Variants in CLASP1 observed in about 807,000 individuals in gnomAD.
CLASP1 encodes cytoplasmic linker associated protein 1, also known as CLIP-associating protein 1.
CLASP1 carries 38 observed loss-of-function variants against 192.3 expected under a neutral mutation model. That is an observed-to-expected ratio of 0.20 (90% CI 0.15 to 0.26). The LOEUF is 0.26. Ranked by LOEUF, CLASP1 falls within the 10% of genes least tolerant of loss-of-function variation. The pLI, the probability that CLASP1 is intolerant of heterozygous loss-of-function variation, is 1.00. For synonymous variants in CLASP1, 691 were observed against 712.8 expected (o/e 0.97, Z 0.49); for missense variants, 1,433 against 1,932.5 (o/e 0.74, Z 4.85).
chr2:121,345,160 T>G (rs1412542325), intron 39 of CLASP1, among the ~76,000 whole-genome samples: 1 of 151,854 alleles, frequency 6.6e-6, no homozygotes, highest in Non-Finnish European at 1.5e-5. Context: ...ATAATAACAA[T>G]AAAAAACTTA....
chr2:121,439,033 T>A (rs2149710805), intron 19 of CLASP1, among the ~76,000 whole-genome samples: 1 of 150,218 alleles, frequency 6.7e-6, no homozygotes, highest in Admixed American at 6.6e-5. Flanking sequence ...ATTCAGAGAT[T>A]CAACTTCTTC....
Position 121,428,663 on chromosome 2 carries a change from G to A in CLASP1, c.2018-1233C>T, listed in dbSNP as rs996855940. ...TAAGGAGGGCATTCTTGGTCTTAAC[G>A]GACTCAATCTATCCTGAACTGCATC... is the stretch of plus-strand genomic sequence containing the variant. On this transcript the variant is annotated intron_variant, in intron 20 of 39. Coordinates refer to ENST00000263710, the Ensembl canonical transcript of CLASP1. Among the ~76,000 whole-genome samples the A allele has an allele frequency of 3.9e-5, 6 of 152,236 alleles. 1 individual carries two copies. The highest frequency in any genetic ancestry group is 6.8e-3 in the Middle Eastern group (2 of 294).
At chr2:121,398,397 G>T in exon 29 of CLASP1, 5 of 1,584,658 alleles carry the variant, frequency 3.2e-6, no homozygotes, top group Non-Finnish European at 4.3e-6. Context: ...ATGGAAAGGA[G>T]TCCCTAGGTT....
At chr2:121,470,759 AG>A (rs2090569056) in intron 8 of CLASP1, 3 of 384,818 alleles carry the variant, frequency 7.8e-6, no homozygotes, top group Non-Finnish European at 1.5e-5. Context: ...CAAAATTATC[AG>A]AGAGGTCATA....
intron 37 of CLASP1, among the ~76,000 whole-genome samples, chr2:121,350,596 G>A (rs1401596581): frequency 6.6e-6 from 1 of 152,206 alleles, no homozygotes; most frequent in African/African-American, 2.4e-5. Flanking sequence ...TTCAGGGAGT[G>A]TGCATGAGTC....
intron 24 of CLASP1, chr2:121,408,981 CA>C (rs1452658820): frequency 6.6e-7 from 1 of 1,514,674 alleles, no homozygotes. Context: ...ATACTTGCAA[CA>C]GGAGAAATAA....
intron 2 of CLASP1, among the ~76,000 whole-genome samples, chr2:121,602,200 A>G (rs994038894): frequency 1.3e-5 from 2 of 151,902 alleles, no homozygotes; most frequent in African/African-American, 4.8e-5. Flanking sequence ...AGAAGAAGAA[A>G]GCGGCAATTC....
chr2:121,417,625 T>C (rs1238916378), intron 23 of CLASP1, among the ~76,000 whole-genome samples: 1 of 152,232 alleles, frequency 6.6e-6, no homozygotes, highest in Non-Finnish European at 1.5e-5. Flanking sequence ...ACAGGGACCA[T>C]CTAGCAGGGC....
In CLASP1 at chr2:121,475,668, A is replaced by G. The variant is rs2091507100; in HGVS notation, c.713-5708T>C. Among the ~76,000 whole-genome samples, 5 of 152,368 alleles carry G rather than the reference A, an allele frequency of 3.3e-5. No homozygotes were observed. In the South Asian group the frequency reaches 1.0e-3, roughly 32 times the overall value. Reference sequence around the variant, plus strand: ...TTTTCTAGTGCTTTAACTAAGGCAGAAATGGGTAAAAATGAGTATTTTTAA... The same window carrying G: ...TTTTCTAGTGCTTTAACTAAGGCAGGAATGGGTAAAAATGAGTATTTTTAA... On this transcript the variant is annotated intron_variant, in intron 8 of 39. Transcript: ENST00000263710.
intron 29 of CLASP1, 82 bp from the exon 31 acceptor site, chr2:121,397,365 T>C: frequency 1.6e-6 from 2 of 1,223,476 alleles, no homozygotes; most frequent in Non-Finnish European, 1.2e-6. Flanking sequence ...CAGAGAAAAG[T>C]AAACCCTGGT....
intron 32 of CLASP1, among the ~76,000 whole-genome samples, chr2:121,384,143 T>TATACAC (rs1170330603): frequency 2.2e-5 from 3 of 135,504 alleles, no homozygotes; most frequent in Non-Finnish European, 4.9e-5. Context: ...TGTATATATA[T>TATACAC]ATACACACAC....
chr2:121,393,972 C>T (rs2074832658), intron 30 of CLASP1, among the ~76,000 whole-genome samples: 1 of 151,950 alleles, frequency 6.6e-6, no homozygotes, highest in Non-Finnish European at 1.5e-5. Context: ...AAAAAGCGCC[C>T]TTCTAAAATA....
intron 8 of CLASP1, among the ~76,000 whole-genome samples, chr2:121,474,603 G>C (rs887269572): frequency 2.0e-5 from 3 of 152,186 alleles, no homozygotes; most frequent in Non-Finnish European, 4.4e-5. Context: ...GGGCATGGTG[G>C]TGGGTGCCTG....
chr2:121,417,251 G>C (rs1001531988), intron 23 of CLASP1, among the ~76,000 whole-genome samples: 4 of 152,156 alleles, frequency 2.6e-5, no homozygotes, highest in African/African-American at 9.7e-5. Flanking sequence ...CCACATGCCA[G>C]ATTCCAAAGG....
chr2:121,395,890 T>A (rs1390895152), intron 30 of CLASP1, among the ~76,000 whole-genome samples: 1 of 152,098 alleles, frequency 6.6e-6, no homozygotes. Context: ...GGAGCAACAC[T>A]CCGTAGCAAG....
rs375846944 is a variant in CLASP1 at position 121,510,535 on chromosome 2, T to C, written c.644+5130A>G. On this transcript the variant is annotated intron_variant, in intron 7 of 39. Coordinates refer to ENST00000263710, the Ensembl canonical transcript of CLASP1. ...AATAGACCCCTAACAAGTAGAGAAA[T>C]TGAATTAGTGACCCCTAACAAGTAG... Among the ~76,000 whole-genome samples the C allele has an allele frequency of 5.3e-5, 8 of 152,120 alleles. No individual in the cohort carries two copies. The East Asian group carries it at 1.5e-3, about 29-fold the overall frequency.
intron 19 of CLASP1, among the ~76,000 whole-genome samples, chr2:121,439,571 T>C (rs1425446074): frequency 6.6e-6 from 1 of 152,160 alleles, no homozygotes; most frequent in East Asian, 1.9e-4. Flanking sequence ...TCTGCCTTCA[T>C]TTCGTTATGT....
chr2:121,433,486 G>A (rs1265015165), intron 19 of CLASP1, among the ~76,000 whole-genome samples: 2 of 152,124 alleles, frequency 1.3e-5, no homozygotes, highest in African/African-American at 2.4e-5. Context: ...GAGGCACGGC[G>A]GCTCACGCCT....
chr2:121,454,377 A>G (rs1324347738), intron 14 of CLASP1, among the ~76,000 whole-genome samples: 2 of 152,142 alleles, frequency 1.3e-5, no homozygotes, highest in East Asian at 3.9e-4. Context: ...ACACTGGTCT[A>G]CAGGCCAGGA....
Sources: allele counts gnomAD v4.1 joint callset (sites outside exome capture counted in the v4.1 genomes callset), GRCh38; gene constraint gnomAD v4.1.1; transcripts MANE v1.5; gene names NCBI Gene and HGNC (gene_info 2026-07-23, HGNC 2026-07-21).